EMC1: variants seen among roughly 807,000 people sequenced by gnomAD.
EMC1 encodes the protein ER membrane protein complex subunit 1.
In EMC1, 103 loss-of-function variants were observed where a neutral mutation model predicts 128.8. That is an observed-to-expected ratio of 0.80 (90% confidence interval 0.68 to 0.94). EMC1 has a LOEUF of 0.94. Among genes scored for constraint, EMC1 ranks in the 40% least tolerant of loss-of-function variants. The pLI is 0.00. For missense variants in EMC1, 1,083 were observed against 1,250.6 expected (o/e 0.87, Z 2.02); for synonymous variants, 442 against 490.4 (o/e 0.90, Z 1.30).
chr1:19,250,218 CAAAAAAAAAAAAAAAA>C (rs55743743), intron 1 of EMC1, among the ~76,000 whole-genome samples: 2 of 48,228 alleles, frequency 4.1e-5, no homozygotes, highest in Non-Finnish European at 6.5e-5. Context: ...AAAACTGTCT[CAAAAAAAAAAAAAAAA>C]AAAAAAAAAA....
At position 19,244,020 on chromosome 1, in the gene EMC1, G is replaced by A. The variant is rs777932462; in HGVS notation, c.221-5C>T. 2 of 1,614,014 alleles carry A rather than the reference G, an allele frequency of 1.2e-6. No homozygotes were observed. The highest frequency in any genetic ancestry group is 1.7e-6 in the Non-Finnish European group (2 of 1,179,976). On this transcript the variant is annotated splice_polypyrimidine_tract_variant and splice_region_variant and intron_variant, in intron 2 of 22. Transcript: ENST00000477853. ...CCTTGTCAACATGGCGCCACACTGA[G>A]AGACATGAAAGTTAGACATTACTAT...
intron 18 of EMC1, among the ~76,000 whole-genome samples, chr1:19,225,689 T>G (rs750279700): frequency 2.6e-5 from 4 of 151,616 alleles, no homozygotes; most frequent in Admixed American, 2.6e-4. Context: ...CATGGTGACA[T>G]GCACCTGTTG....
At chr1:19,238,275 A>C in intron 10 of EMC1, 136 bp from the exon 11 acceptor site, 1 of 951,844 alleles carries the variant, frequency 1.1e-6, no homozygotes, top group Non-Finnish European at 1.6e-6. Context: ...AAAGGAGAAT[A>C]AAAGAGAAAA....
intron 17 of EMC1, chr1:19,229,238 A>G (rs926673609): frequency 6.6e-6 from 1 of 152,304 alleles, no homozygotes; most frequent in Admixed American, 6.5e-5. Context: ...CTCTGTATCA[A>G]TGGACTCTTT....
chr1:19,243,840 G>A, intron 3 of EMC1, 110 bp downstream of exon 3: 2 of 1,434,314 alleles, frequency 1.4e-6, no homozygotes, highest in South Asian at 2.3e-5. Flanking sequence ...GTCCTTCACT[G>A]TCAGGAGTCC....
At chr1:19,249,106 A>C (rs931517965) in intron 1 of EMC1, among the ~76,000 whole-genome samples, 1 of 152,206 alleles carries the variant, frequency 6.6e-6, no homozygotes, top group Non-Finnish European at 1.5e-5. Context: ...AAAGTCAAAA[A>C]TTAAAAAAAT....
At position 19,218,092 on chromosome 1, in the gene EMC1, A is replaced by T. The variant is rs748153982; in HGVS notation, c.*1211T>A. On this transcript the variant is annotated 3_prime_UTR_variant, in exon 23 of 23. Coordinates refer to ENST00000477853, the MANE Select transcript of EMC1 (RefSeq NM_015047.3). Reference sequence around the variant, plus strand: ...CACAAAAGAGGACTTAAACAGTGTCATTTGTCACTTGCTTTATGCAAACAT... The same window carrying T: ...CACAAAAGAGGACTTAAACAGTGTCTTTTGTCACTTGCTTTATGCAAACAT... 4 of 152,226 alleles carry T rather than the reference A, an allele frequency of 2.6e-5. No homozygotes were observed. Among genetic ancestry groups the T allele is most frequent in the Admixed American group, 2.6e-4 (4 of 15,288 alleles). 9.4% of individuals were successfully genotyped at this position (152,226 alleles called of 1,614,324 possible). A position where few individuals can be genotyped will look rare whatever the true frequency, so the allele number is the denominator to read the frequency against.
chr1:19,223,676 G>T, intron 18 of EMC1, 107 bp from the exon 19 acceptor site: 1 of 1,035,658 alleles, frequency 9.7e-7, no homozygotes. Flanking sequence ...AGAGGAATCA[G>T]GGTTTCTGGT....
At chr1:19,237,262 T>G in intron 11 of EMC1, 24 bp from the exon 12 acceptor site, 1 of 1,572,778 alleles carries the variant, frequency 6.4e-7, no homozygotes. Context: ...TCAAGACCGG[T>G]GTAGTCAGTG....
intron 18 of EMC1, among the ~76,000 whole-genome samples, chr1:19,224,082 A>G (rs1485643030): frequency 6.6e-6 from 1 of 152,192 alleles, no homozygotes; most frequent in Non-Finnish European, 1.5e-5. Flanking sequence ...CCTGGCTTCC[A>G]GAACATCCCT....
chr1:19,242,206 T>C, intron 5 of EMC1, 139 bp downstream of exon 5: 1 of 850,732 alleles, frequency 1.2e-6, no homozygotes, highest in East Asian at 2.5e-5. Context: ...TTCAAGATAT[T>C]CTGAGTGCAA....
chr1:19,245,627 C>CTTTTTTTTTTTTTTTTTTTTTT (rs539316345), intron 1 of EMC1, among the ~76,000 whole-genome samples: 1 of 123,140 alleles, frequency 8.1e-6, no homozygotes, highest in African/African-American at 3.4e-5. Flanking sequence ...CCTTACCTTT[C>CTTTTTTTTTTTTTTTTTTTTTT]TTTTTTTTTT....
At position 19,241,153 on chromosome 1, in the gene EMC1, G is replaced by T. The variant is rs575763539; in HGVS notation, c.510-11C>A. ...TAGTGGATGCTGTCACTAAGAGAGG[G>T]AAGAAGAAACCGCAGCGTCAGCTTT... On this transcript the variant is annotated splice_polypyrimidine_tract_variant and intron_variant, in intron 5 of 22. Coordinates refer to ENST00000477853, the MANE Select transcript of EMC1 (RefSeq NM_015047.3). The T allele has an allele frequency of 3.7e-6, 6 of 1,613,816 alleles. No individual in the cohort carries two copies. In the African/African-American group the frequency reaches 8.0e-5, roughly 22 times the overall value.
chr1:19,236,385 G>A (rs1326132408), intron 12 of EMC1, among the ~76,000 whole-genome samples: 3 of 148,032 alleles, frequency 2.0e-5, no homozygotes, highest in Admixed American at 6.7e-5. Context: ...AGCCAGGCAC[G>A]GTGGCTCACA....
chr1:19,240,164 T>TCAGC, intron 7 of EMC1, 133 bp downstream of exon 7: 1 of 1,278,356 alleles, frequency 7.8e-7, no homozygotes, highest in Non-Finnish European at 1.1e-6. Context: ...TTACACCAGT[T>TCAGC]CAGCCAGAGG....
chr1:19,247,287 T>A (rs1176860832), intron 1 of EMC1, among the ~76,000 whole-genome samples: 2 of 152,174 alleles, frequency 1.3e-5, no homozygotes, highest in Non-Finnish European at 2.9e-5. Context: ...AATACTCCCA[T>A]CTCAGCCTCC....
At chr1:19,239,748 C>T in intron 8 of EMC1, 70 bp downstream of exon 8, 1 of 1,506,540 alleles carries the variant, frequency 6.6e-7, no homozygotes, top group Admixed American at 2.0e-5. Flanking sequence ...GATTCAAAAG[C>T]ACTGCCTTCT....
rs1486831529 is a variant in EMC1, at chr1:19,227,478, T to C, written c.2065-28A>G. 4 of 1,613,892 alleles carry C rather than the reference T, an allele frequency of 2.5e-6. No homozygotes were observed. The South Asian group carries it at 3.3e-5, about 13-fold the overall frequency. The stretch of plus-strand genomic sequence containing the variant: ...AGGGCAGGGGCAAAAAAGCCTGTAA[T>C]CAGGAGGGTACACTTAGAACTGAAA... On this transcript the variant is annotated intron_variant, in intron 17 of 22. Coordinates refer to ENST00000477853, the MANE Select transcript of EMC1 (RefSeq NM_015047.3).
Position 19,241,025 on chromosome 1 carries a change from A to C in EMC1, c.627T>G (p.Ile209Met). ...TGTCACCCTCCTGTACCTGCTGAAC[A>C]ATCTCTCCATCTTCCACATTAAACT... ...IVKFNVEDGE[I>M]VQQVRVSTPW... Residue 209 changes from isoleucine (I) to methionine (M), a missense_variant, in exon 6 of 23, where the codon ATT becomes ATG. This residue lies in a region of EMC1 where 544 missense variants were observed against 572.4 expected (regional missense o/e 0.95). Transcript: ENST00000477853. The C allele has an allele frequency of 6.2e-7, 1 of 1,614,174 alleles. No individual in the cohort carries two copies. Among genetic ancestry groups the C allele is most frequent in the South Asian group, 1.1e-5 (1 of 91,080 alleles).
Sources: gnomAD v4.1 joint callset for allele counts (sites outside exome capture counted in the v4.1 genomes callset) on GRCh38, gnomAD v4.1.1 for gene constraint, gnomAD v4.1.1 regional missense constraint, MANE v1.5 for transcripts, NCBI Gene and HGNC (gene_info 2026-07-23, HGNC 2026-07-21) for gene names.